DTNBP1: variants seen among roughly 807,000 people sequenced by gnomAD.
The protein encoded by DTNBP1 is dysbindin.
A neutral mutation model predicts 42.8 loss-of-function variants in DTNBP1; 35 were observed. The ratio of observed to expected loss-of-function variants is 0.82; its 90% CI spans 0.63 to 1.09. The LOEUF (loss-of-function observed/expected upper bound fraction) is 1.09, where lower values mean the gene tolerates loss of function less well. DTNBP1 is among the 50% of genes least tolerant of loss of function. DTNBP1 has a pLI of 0.00. For missense variants in DTNBP1, 457 were observed against 424.2 expected, an observed-to-expected ratio of 1.08 and a Z score of -0.68; for synonymous variants, 171 against 162.2, an observed-to-expected ratio of 1.05 and a Z score of -0.41.
intron 3 of DTNBP1, among the ~76,000 whole-genome samples, chr6:15,643,653 A>T (rs1760507467): frequency 1.3e-5 from 2 of 152,190 alleles, no homozygotes; most frequent in African/African-American, 4.8e-5. Context: ...TTAAAAAAAA[A>T]ATTGCTGGCC....
intron 5 of DTNBP1, among the ~76,000 whole-genome samples, chr6:15,627,078 A>G (rs754992764): frequency 5.3e-5 from 8 of 152,240 alleles, no homozygotes; most frequent in Non-Finnish European, 1.2e-4. Flanking sequence ...AAATGTCAAC[A>G]AAGACAACCT....
At chr6:15,567,663 T>C (rs957651595) in intron 7 of DTNBP1, among the ~76,000 whole-genome samples, 1 of 152,232 alleles carries the variant, frequency 6.6e-6, no homozygotes, top group African/African-American at 2.4e-5. Context: ...CTCACATGTA[T>C]TGATTGATGC....
chr6:15,619,294 A>C (rs900849524), intron 5 of DTNBP1, among the ~76,000 whole-genome samples: 3 of 152,234 alleles, frequency 2.0e-5, no homozygotes, highest in Non-Finnish European at 4.4e-5. Flanking sequence ...CACTGTGTAC[A>C]TGTATCAAAA....
chr6:15,615,277 T>C lies in DTNBP1; in HGVS notation c.478A>G (p.Lys160Glu), dbSNP rs965902635. The change falls in exon 6 of 10, where the codon AAA (lysine) becomes GAA (glutamate). Residue 160 changes from lysine to glutamate, a missense_variant. Transcript: ENST00000344537. ...MQSQQLENYK[K>E]NKRKELETFK... ...ACTTTTCAAACTCACCTCTTATTTT[T>C]CTTGTAATTCTCCAGTTGCTGGGAC... The C allele has an allele frequency of 3.1e-6, 5 of 1,614,198 alleles. No individual in the cohort carries two copies. The highest frequency in any genetic ancestry group is 3.3e-5 in the Admixed American group (2 of 60,030).
intron 7 of DTNBP1, among the ~76,000 whole-genome samples, chr6:15,570,724 A>G (rs979250714): frequency 6.6e-6 from 1 of 152,252 alleles, no homozygotes; most frequent in African/African-American, 2.4e-5. Flanking sequence ...GTGCTTAAAA[A>G]TAAGCTAATT....
intron 7 of DTNBP1, among the ~76,000 whole-genome samples, chr6:15,553,593 G>GGTTTTTTTTTTTTT (rs1168459056): frequency 1.4e-4 from 2 of 14,266 alleles, no homozygotes; most frequent in Non-Finnish European, 2.4e-4. Flanking sequence ...TGACAAGTGA[G>GGTTTTTTTTTTTTT]CTTTTTTTTT....
chr6:15,626,011 C>T (rs1759318469), intron 5 of DTNBP1, among the ~76,000 whole-genome samples: 1 of 152,176 alleles, frequency 6.6e-6, no homozygotes, highest in South Asian at 2.1e-4. Context: ...AAAACACTGA[C>T]CCTGAAAGGC....
At chr6:15,611,514 C>G (rs886708718) in intron 6 of DTNBP1, among the ~76,000 whole-genome samples, 2 of 152,122 alleles carry the variant, frequency 1.3e-5, no homozygotes, top group African/African-American at 4.8e-5. Context: ...TTAAGAAATA[C>G]AATTTGTAAG....
At chr6:15,616,557 G>A (rs1355312079) in intron 5 of DTNBP1, among the ~76,000 whole-genome samples, 1 of 152,204 alleles carries the variant, frequency 6.6e-6, no homozygotes, top group Non-Finnish European at 1.5e-5. Context: ...AGTGGGGAAG[G>A]GAGCAGTGAA....
At position 15,642,893 on chromosome 6, in the gene DTNBP1, G is replaced by A. The variant is rs551287262; in HGVS notation, c.162-5089C>T. ...AGAAGGAATCAATGCAAGAACTCTG[G>A]CAGTACAAAAAGCCAGGGTGTTCTG... is the stretch of plus-strand genomic sequence containing the variant. On this transcript the variant is annotated intron_variant, in intron 3 of 9. Coordinates refer to ENST00000344537, the MANE Select transcript of DTNBP1 (RefSeq NM_032122.5). 2.0e-5 allele frequency among the ~76,000 whole-genome samples: 3 copies of A among 152,304 alleles called. No homozygotes were observed. The South Asian group carries it at 6.2e-4, about 32-fold the overall frequency.
intron 7 of DTNBP1, among the ~76,000 whole-genome samples, chr6:15,578,996 C>T (rs1052282481): frequency 3.3e-5 from 5 of 152,022 alleles, no homozygotes; most frequent in Admixed American, 3.3e-4. Context: ...TGGAGGTGCC[C>T]CCAAAAAACT....
At chr6:15,597,222 C>A (rs1027936747) in intron 6 of DTNBP1, among the ~76,000 whole-genome samples, 1 of 152,044 alleles carries the variant, frequency 6.6e-6, no homozygotes, top group Non-Finnish European at 1.5e-5. Flanking sequence ...GATTATAGTG[C>A]TTTGGTAATG....
chr6:15,587,814 C>A lies in DTNBP1; in HGVS notation c.511+5245G>T, dbSNP rs960480292. On this transcript the variant is annotated intron_variant, in intron 7 of 9. Coordinates refer to ENST00000344537, the MANE Select transcript of DTNBP1 (RefSeq NM_032122.5). This position sits in a 1 kb window ranked among gnomAD's most constrained non-coding sequence, Gnocchi z 4.1. ...ACACAAGGCTTAACTGAAAATGGAT[C>A]ACAGACCTAAATGTAAGAGCTAACT... 6.6e-6 allele frequency among the ~76,000 whole-genome samples: 1 copy of A among 152,182 alleles called. No homozygotes were observed. Among genetic ancestry groups the A allele is most frequent in the African/African-American group, 2.4e-5 (1 of 41,442 alleles).
chr6:15,559,592 G>C (rs1774725893), intron 7 of DTNBP1, among the ~76,000 whole-genome samples: 1 of 152,124 alleles, frequency 6.6e-6, no homozygotes, highest in Admixed American at 6.5e-5. Context: ...CTGCTGGTGT[G>C]ATGCACTATA....
intron 3 of DTNBP1, among the ~76,000 whole-genome samples, chr6:15,650,200 C>T (rs114130359): frequency 8.1e-4 from 123 of 152,286 alleles, no homozygotes; most frequent in African/African-American, 2.9e-3. Flanking sequence ...ACATCTTTAC[C>T]ACACATCTGT....
intron 6 of DTNBP1, among the ~76,000 whole-genome samples, chr6:15,594,851 C>T (rs1228490798): frequency 6.6e-6 from 1 of 151,992 alleles, no homozygotes; most frequent in Non-Finnish European, 1.5e-5. Flanking sequence ...TTCTAAAGGG[C>T]TCTCTTGTTT....
intron 7 of DTNBP1, among the ~76,000 whole-genome samples, chr6:15,580,715 C>G (rs982282676): frequency 3.9e-5 from 6 of 152,102 alleles, no homozygotes; most frequent in Non-Finnish European, 8.8e-5. Flanking sequence ...TTAAATTTTC[C>G]TGTCTTCAAT....
chr6:15,632,534 C>T (rs1759750683), intron 4 of DTNBP1, among the ~76,000 whole-genome samples: 1 of 152,138 alleles, frequency 6.6e-6, no homozygotes. Flanking sequence ...AAACAACTCG[C>T]ACCCCCAAAT....
chr6:15,610,991 A>C (rs971688395), intron 6 of DTNBP1, among the ~76,000 whole-genome samples: 1 of 152,260 alleles, frequency 6.6e-6, no homozygotes, highest in African/African-American at 2.4e-5. Flanking sequence ...TATGCTAAAC[A>C]GCAGATTGTC....
Sources: allele counts gnomAD v4.1 joint callset (sites outside exome capture counted in the v4.1 genomes callset), GRCh38; gene constraint gnomAD v4.1.1; non-coding constraint Gnocchi (gnomAD v3.1); transcripts MANE v1.5; gene names NCBI Gene and HGNC (gene_info 2026-07-23, HGNC 2026-07-21).